DCAF6: variants seen among roughly 807,000 people sequenced by gnomAD.
DCAF6 encodes DDB1 and CUL4 associated factor 6.
In DCAF6, 54 loss-of-function variants were observed where a neutral mutation model predicts 125.1. The observed-to-expected ratio is 0.43, with a 90% CI of 0.35 to 0.54. DCAF6 has a LOEUF of 0.54. Among genes scored for constraint, DCAF6 ranks in the 20% least tolerant of loss-of-function variants. The pLI is 0.01. For missense variants in DCAF6, 934 were observed against 1,161.7 expected (o/e 0.80, Z 2.85); for synonymous variants, 371 against 390.4 (o/e 0.95, Z 0.58).
At chr1:168,028,807 T>G (rs1222612944) in intron 12 of DCAF6, among the ~76,000 whole-genome samples, 2 of 152,170 alleles carry the variant, frequency 1.3e-5, no homozygotes, top group East Asian at 3.8e-4. Flanking sequence ...TAATATTATT[T>G]TAAACATATT....
intron 14 of DCAF6, among the ~76,000 whole-genome samples, chr1:168,043,702 A>G (rs992403793): frequency 2.6e-5 from 4 of 152,184 alleles, no homozygotes; most frequent in African/African-American, 9.6e-5. Context: ...TATATTTCTT[A>G]TAAATGTGTA....
chr1:168,011,980 A>G (rs1190061578), intron 10 of DCAF6, among the ~76,000 whole-genome samples: 6 of 145,406 alleles, frequency 4.1e-5, no homozygotes, highest in African/African-American at 1.2e-4. Flanking sequence ...CTCAGAAAAA[A>G]GAAAGAAAGA....
chr1:167,865,116 GCCT>G, the DCAF6 span, among the ~76,000 whole-genome samples: 1 of 152,058 alleles, frequency 6.6e-6, no homozygotes, highest in Non-Finnish European at 1.5e-5. Context: ...AAGTAATAAG[GCCT>G]CCTGAGTACT....
chr1:168,003,577 T>C (rs1682929137), intron 8 of DCAF6, among the ~76,000 whole-genome samples: 1 of 152,008 alleles, frequency 6.6e-6, no homozygotes, highest in African/African-American at 2.4e-5. Context: ...AAAATTTAGG[T>C]TGAGGTAGGA....
At chr1:167,939,008 C>G (rs1002524257) in intron 1 of DCAF6, among the ~76,000 whole-genome samples, 2 of 152,088 alleles carry the variant, frequency 1.3e-5, no homozygotes, top group Non-Finnish European at 2.9e-5. Context: ...ATAATATATA[C>G]TCTTAAAATA....
At chr1:167,988,827 TC>T (rs766137493) in intron 5 of DCAF6, among the ~76,000 whole-genome samples, 16 of 152,126 alleles carry the variant, frequency 1.1e-4, no homozygotes, top group Non-Finnish European at 2.1e-4. Flanking sequence ...ATGCCTCTAA[TC>T]CCAGCACTTT....
At chr1:167,882,484 CAAAA>C in the DCAF6 span, among the ~76,000 whole-genome samples, 4 of 71,136 alleles carry the variant, frequency 5.6e-5, no homozygotes, top group Non-Finnish European at 8.5e-5. Flanking sequence ...GATTCCGTCT[CAAAA>C]AAAAAAAAAA....
chr1:167,880,390 T>C, the DCAF6 span: 1 of 1,028,578 alleles, frequency 9.7e-7, no homozygotes. Context: ...AGGACTAAGT[T>C]CTTAATTAAT....
intron 12 of DCAF6, among the ~76,000 whole-genome samples, chr1:168,032,646 A>G (rs1687250782): frequency 6.6e-6 from 1 of 152,208 alleles, no homozygotes; most frequent in African/African-American, 2.4e-5. Flanking sequence ...TGAAGTGGGA[A>G]TTAGAATATC....
intron 14 of DCAF6, among the ~76,000 whole-genome samples, chr1:168,043,403 T>TA (rs1298143201): frequency 6.6e-6 from 1 of 152,130 alleles, no homozygotes; most frequent in Non-Finnish European, 1.5e-5. Context: ...ATGGATGAGA[T>TA]ATAAATGTTA....
chr1:168,044,514 G>T, intron 14 of DCAF6, 71 bp from the exon 15 acceptor site: 2 of 1,075,510 alleles, frequency 1.9e-6, no homozygotes, highest in South Asian at 2.6e-5. Flanking sequence ...GCAGATTTTG[G>T]TATTTTCAGC....
At chr1:167,936,051 A>T, upstream of DCAF6, 1 of 591,568 alleles carries the variant, frequency 1.7e-6, no homozygotes, top group Non-Finnish European at 3.0e-6. Flanking sequence ...GAGGCTGCCG[A>T]CTGCCAGCCC....
At chr1:168,039,654 A>C (rs1374999682) in intron 13 of DCAF6, among the ~76,000 whole-genome samples, 1 of 147,314 alleles carries the variant, frequency 6.8e-6, no homozygotes, top group South Asian at 2.1e-4. Flanking sequence ...CAATATATTA[A>C]TTATTCATAA....
At position 167,991,640 on chromosome 1, in the gene DCAF6, C is replaced by T. The variant is rs112018318; in HGVS notation, c.688+301C>T. On this transcript the variant is annotated intron_variant, in intron 6 of 21. Transcript: ENST00000367840. Reference sequence around the variant, plus strand: ...TTATTCTCTTAAATTTCTGGAGGCTCAGTGTCTGAAATCAGGATGTCTTAT... The same window carrying T: ...TTATTCTCTTAAATTTCTGGAGGCTTAGTGTCTGAAATCAGGATGTCTTAT... 5.3e-3 allele frequency among the ~76,000 whole-genome samples: 800 copies of T among 152,218 alleles called. 5 individuals carry two copies. The highest frequency in any genetic ancestry group is 0.018 in the African/African-American group (756 of 41,550).
intron 7 of DCAF6, among the ~76,000 whole-genome samples, chr1:167,994,939 A>C (rs941843506): frequency 1.3e-5 from 2 of 152,174 alleles, no homozygotes; most frequent in Non-Finnish European, 2.9e-5. Context: ...TCATAATTTC[A>C]GGTGTAGAGG....
the DCAF6 span, chr1:167,896,657 A>G: frequency 1.2e-6 from 2 of 1,613,566 alleles, no homozygotes; most frequent in Non-Finnish European, 1.7e-6. Flanking sequence ...AAATTCATCA[A>G]AATTAAAATT....
Position 168,043,018 on chromosome 1 carries a change from A to C in DCAF6, c.1728-7A>C. 6.3e-7 allele frequency: 1 copy of C among 1,583,430 alleles called. No individual in the cohort carries two copies. Among genetic ancestry groups the C allele is most frequent in the Non-Finnish European group, 8.7e-7 (1 of 1,154,288 alleles). ...TGGTGGAATCACTTATCTTGTTTTGATGATAGGAGCAGTATAGCATCAAGT... is the reference window on the plus strand; with the variant it reads ...TGGTGGAATCACTTATCTTGTTTTGCTGATAGGAGCAGTATAGCATCAAGT... On this transcript the variant is annotated splice_polypyrimidine_tract_variant and splice_region_variant and intron_variant, in intron 13 of 21. Transcript: ENST00000367840.
chr1:167,880,805 G>C, the DCAF6 span, among the ~76,000 whole-genome samples: 1 of 152,210 alleles, frequency 6.6e-6, no homozygotes, highest in African/African-American at 2.4e-5. Flanking sequence ...CTTGAGCCTT[G>C]AGAAGGGCTT....
intron 17 of DCAF6, among the ~76,000 whole-genome samples, chr1:168,058,445 C>G (rs1368577773): frequency 6.6e-6 from 1 of 152,144 alleles, no homozygotes; most frequent in Non-Finnish European, 1.5e-5. Flanking sequence ...TTCTTGTTGT[C>G]ACATATCTTG....
Sources: gnomAD v4.1 joint callset for allele counts (sites outside exome capture counted in the v4.1 genomes callset) on GRCh38, gnomAD v4.1.1 for gene constraint, MANE v1.5 for transcripts, NCBI Gene and HGNC (gene_info 2026-07-23, HGNC 2026-07-21) for gene names.